DLGAP2: variants seen among roughly 807,000 people sequenced by gnomAD.
DLGAP2 encodes the protein disks large-associated protein 2.
A neutral mutation model predicts 100.3 loss-of-function variants in DLGAP2; 26 were observed. That is an observed-to-expected ratio of 0.26 (90% CI 0.19 to 0.36). DLGAP2 has a LOEUF of 0.36. Ranked by LOEUF, DLGAP2 falls within the 10% of genes least tolerant of loss-of-function variation. The pLI is 1.00. For synonymous variants in DLGAP2, 886 were observed against 630.1 expected, an observed-to-expected ratio of 1.41 and a Z score of -6.08; for missense variants, 1,858 against 1,453.2, an observed-to-expected ratio of 1.28 and a Z score of -4.53.
intron 3 of DLGAP2, among the ~76,000 whole-genome samples, chr8:1,312,002 A>T (rs1417355755): frequency 6.6e-6 from 1 of 152,234 alleles, no homozygotes; most frequent in African/African-American, 2.4e-5. Context: ...AGCAGGCAGA[A>T]ATTCAGAAAT....
intron 1 of DLGAP2, among the ~76,000 whole-genome samples, chr8:836,925 C>A (rs542615526): frequency 6.6e-6 from 1 of 152,252 alleles, no homozygotes; most frequent in Admixed American, 6.5e-5. Context: ...CATGCACACA[C>A]CTGCTGCTGT....
intron 3 of DLGAP2, among the ~76,000 whole-genome samples, chr8:1,467,247 A>G (rs1445857960): frequency 6.7e-6 from 1 of 150,078 alleles, no homozygotes; most frequent in Non-Finnish European, 1.5e-5. Context: ...GTCCTTCACC[A>G]CGGTCCCTCC....
At chr8:1,066,388 A>G (rs1338912204) in intron 2 of DLGAP2, among the ~76,000 whole-genome samples, 1 of 149,942 alleles carries the variant, frequency 6.7e-6, no homozygotes, top group Non-Finnish European at 1.5e-5. Context: ...CACCAGGATC[A>G]GGTCTGAGTG....
Position 1,347,508 on chromosome 8 carries a change from A to T in DLGAP2, c.106+88625A>T, listed in dbSNP as rs967855190. On this transcript the variant is annotated intron_variant, in intron 3 of 14. Coordinates refer to ENST00000637795, the MANE Select transcript of DLGAP2 (RefSeq NM_001346810.2). ...GGGGCTGTGTGTAGGTTCATTTCCC[A>T]CATAGAGCTACATTGCACTCATGGT... 2.0e-5 allele frequency among the ~76,000 whole-genome samples: 3 copies of T among 152,070 alleles called. No individual in the cohort carries two copies. In the East Asian group the frequency reaches 5.8e-4, roughly 29 times the overall value.
intron 2 of DLGAP2, among the ~76,000 whole-genome samples, chr8:967,903 T>G (rs1368442244): frequency 8.2e-6 from 1 of 122,666 alleles, no homozygotes; most frequent in Non-Finnish European, 1.6e-5. Context: ...GAACTGAAAG[T>G]ATAACAAACA....
intron 3 of DLGAP2, among the ~76,000 whole-genome samples, chr8:1,275,083 G>A (rs959592149): frequency 6.6e-6 from 1 of 152,174 alleles, no homozygotes; most frequent in Non-Finnish European, 1.5e-5. Flanking sequence ...AGGCAGAGAG[G>A]ATCCCTGAGG....
At chr8:768,179 T>C (rs1450280897) in intron 1 of DLGAP2, among the ~76,000 whole-genome samples, 2 of 152,106 alleles carry the variant, frequency 1.3e-5, no homozygotes, top group Non-Finnish European at 2.9e-5. Context: ...GCCCGTTCAC[T>C]GCAGCGTCTG....
intron 2 of DLGAP2, among the ~76,000 whole-genome samples, chr8:915,306 G>C (rs1798567526): frequency 6.6e-6 from 1 of 152,202 alleles, no homozygotes. Flanking sequence ...CCAGCGCTTT[G>C]GGAGGCCGAG....
chr8:920,691 C>T (rs1798695540), intron 2 of DLGAP2, among the ~76,000 whole-genome samples: 1 of 152,152 alleles, frequency 6.6e-6, no homozygotes, highest in East Asian at 1.9e-4. Flanking sequence ...GCAGAGGCTG[C>T]AGTGAACCAT....
intron 3 of DLGAP2, among the ~76,000 whole-genome samples, chr8:1,294,140 C>G (rs980456316): frequency 6.6e-6 from 1 of 152,006 alleles, no homozygotes; most frequent in South Asian, 2.1e-4. Context: ...CATCACCTCC[C>G]GAAACTGTAT....
At position 1,624,509 on chromosome 8, in the gene DLGAP2, C is replaced by A. The variant is rs538977977; in HGVS notation, c.1443-2231C>A. 2.0e-5 allele frequency among the ~76,000 whole-genome samples: 3 copies of A among 151,946 alleles called. No individual in the cohort carries two copies. In the East Asian group the frequency reaches 5.8e-4, roughly 30 times the overall value. The stretch of plus-strand genomic sequence containing the variant: ...TGGTCTCTTACAGAATGAGTCCACG[C>A]ATCCATCAACCTGAGCCTGAAACTT... On this transcript the variant is annotated intron_variant, in intron 6 of 14. Coordinates refer to ENST00000637795, the MANE Select transcript of DLGAP2 (RefSeq NM_001346810.2).
intron 4 of DLGAP2, among the ~76,000 whole-genome samples, chr8:1,530,000 G>A (rs1012805759): frequency 2.6e-5 from 4 of 152,206 alleles, no homozygotes; most frequent in African/African-American, 9.6e-5. Context: ...AGTGGAGGCA[G>A]GGTGAGATCA....
At chr8:1,132,893 G>C (rs1796325985) in intron 2 of DLGAP2, among the ~76,000 whole-genome samples, 2 of 152,318 alleles carry the variant, frequency 1.3e-5, no homozygotes, top group African/African-American at 4.8e-5. Flanking sequence ...GAGAAGCTTT[G>C]TTTAAAAATT....
At chr8:1,192,284 C>T (rs186616576) in intron 2 of DLGAP2, among the ~76,000 whole-genome samples, 97 of 152,230 alleles carry the variant, frequency 6.4e-4, no homozygotes, top group African/African-American at 1.8e-3. Flanking sequence ...TACTTATTTA[C>T]GCTTATTAAT....
intron 2 of DLGAP2, among the ~76,000 whole-genome samples, chr8:1,233,766 C>T (rs1057426342): frequency 1.3e-5 from 2 of 152,198 alleles, no homozygotes; most frequent in African/African-American, 4.8e-5. Flanking sequence ...ATCAGGGTCT[C>T]ACTGGGAGCT....
At chr8:802,976 C>T (rs1311061181) in intron 1 of DLGAP2, among the ~76,000 whole-genome samples, 4 of 152,126 alleles carry the variant, frequency 2.6e-5, no homozygotes, top group Non-Finnish European at 4.4e-5. Flanking sequence ...GAATGATTCC[C>T]GAAAAGGTAG....
intron 3 of DLGAP2, among the ~76,000 whole-genome samples, chr8:1,411,956 CAT>C (rs1796743026): frequency 6.6e-6 from 1 of 152,190 alleles, no homozygotes; most frequent in African/African-American, 2.4e-5. Context: ...CGTTCAGACA[CAT>C]GCTCCGAAAA....
At chr8:1,658,639 T>G (rs1425077104) in intron 8 of DLGAP2, among the ~76,000 whole-genome samples, 1 of 152,206 alleles carries the variant, frequency 6.6e-6, no homozygotes, top group Non-Finnish European at 1.5e-5. Context: ...ATAGCGGTGT[T>G]TATAGTATTC....
intron 6 of DLGAP2, among the ~76,000 whole-genome samples, chr8:1,597,181 G>A (rs938620698): frequency 6.6e-6 from 1 of 152,132 alleles, no homozygotes; most frequent in Non-Finnish European, 1.5e-5. Flanking sequence ...TCGTAGATGT[G>A]TGGTGTTATT....
Sources: allele counts gnomAD v4.1 joint callset (sites outside exome capture counted in the v4.1 genomes callset), GRCh38; gene constraint gnomAD v4.1.1; transcripts MANE v1.5; gene names NCBI Gene and HGNC (gene_info 2026-07-23, HGNC 2026-07-21).